MYH3: variants seen among roughly 807,000 people sequenced by gnomAD.
MYH3 encodes the protein myosin-3.
A neutral mutation model predicts 238.0 loss-of-function variants in MYH3; 130 were observed. That is an observed-to-expected ratio of 0.55 (90% CI 0.47 to 0.63). The LOEUF is 0.63. MYH3 is among the 30% of genes least tolerant of loss of function. The pLI is 0.00. For missense variants in MYH3, 1,853 were observed against 2,374.9 expected, an observed-to-expected ratio of 0.78 and a Z score of 4.57; for synonymous variants, 880 against 924.1, an observed-to-expected ratio of 0.95 and a Z score of 0.86.
chr17:10,645,316 C>T (rs2074309899), intron 12 of MYH3, among the ~76,000 whole-genome samples: 1 of 151,988 alleles, frequency 6.6e-6, no homozygotes, highest in Admixed American at 6.5e-5. Flanking sequence ...CCTGTAATCC[C>T]AGCTACTCGG....
chr17:10,633,166 T>C (rs1302512024), intron 33 of MYH3, among the ~76,000 whole-genome samples: 1 of 152,022 alleles, frequency 6.6e-6, no homozygotes, highest in Non-Finnish European at 1.5e-5. Context: ...GGGCCTAGAT[T>C]GCCAGCATGG....
At chr17:10,667,794 G>GAACATCT in the MYH3 span, among the ~76,000 whole-genome samples, 2 of 150,908 alleles carry the variant, frequency 1.3e-5, no homozygotes, top group African/African-American at 4.9e-5. Context: ...TTTGAGACAA[G>GAACATCT]AACATCTAAC....
At chr17:10,669,704 G>A in the MYH3 span, among the ~76,000 whole-genome samples, 4 of 152,038 alleles carry the variant, frequency 2.6e-5, no homozygotes, top group African/African-American at 9.7e-5. Context: ...AGGAATTTAA[G>A]ACCAGCCCTG....
rs1281019115 is a variant in MYH3 at position 10,648,620 on chromosome 17, G to A, written c.672C>T (p.Ala224=). 17 of 1,613,944 alleles carry A rather than the reference G, an allele frequency of 1.1e-5. No homozygotes were observed. In the East Asian group the frequency reaches 3.8e-4, roughly 36 times the overall value. The change falls in exon 8 of 41, where the codon GCC becomes GCT. Residue 224 remains alanine (A), a synonymous_variant. Transcript: ENST00000583535. ...KGTLEDQIIS[A]NPLLEAFGNA... The stretch of plus-strand genomic sequence containing the variant: ...TCCCAAAGGCCTCCAGCAGGGGATT[G>A]GCACTGATGATTTGATCTTCCAGAG...
chr17:10,632,792 A>T lies in MYH3; in HGVS notation c.4648-8T>A. Reference sequence around the variant, plus strand: ...TTCATGCTCAAGAGCAGCCTTTAAGAAACAAAAGCAAATCAAATAGTGTCT... The same window carrying T: ...TTCATGCTCAAGAGCAGCCTTTAAGTAACAAAAGCAAATCAAATAGTGTCT... On this transcript the variant is annotated splice_region_variant and splice_polypyrimidine_tract_variant and intron_variant, in intron 33 of 40. Transcript: ENST00000583535. 1.9e-6 allele frequency: 3 copies of T among 1,614,194 alleles called. No homozygotes were observed. The highest frequency in any genetic ancestry group is 2.5e-6 in the Non-Finnish European group (3 of 1,180,002).
At chr17:10,670,118 A>G in the MYH3 span, among the ~76,000 whole-genome samples, 2,124 of 152,252 alleles carry the variant, frequency 0.014, 48 homozygotes, top group African/African-American at 0.048. The surrounding 1 kb of genome is among the most constrained non-coding windows in gnomAD (Gnocchi z 7.0). Flanking sequence ...ATGACAGTAC[A>G]TTACCAACAA....
intron 19 of MYH3, 142 bp downstream of exon 19, chr17:10,640,943 C>A: frequency 1.1e-6 from 1 of 891,972 alleles, no homozygotes; most frequent in Non-Finnish European, 1.9e-6. Context: ...TATAACTTGG[C>A]CAAATGGTAG....
intron 8 of MYH3, among the ~76,000 whole-genome samples, 172 bp downstream of exon 8, chr17:10,648,385 A>G (rs1351756916): frequency 6.6e-6 from 1 of 152,166 alleles, no homozygotes; most frequent in East Asian, 1.9e-4. Context: ...CCTCTCTTAC[A>G]CACGCTGTTC....
intron 5 of MYH3, 37 bp downstream of exon 5, chr17:10,651,475 T>G: frequency 1.2e-6 from 2 of 1,612,242 alleles, no homozygotes; most frequent in East Asian, 4.5e-5. Context: ...ATGCAGTGCC[T>G]GCTCCAGCAT....
rs552249653 is a variant in MYH3, at chr17:10,652,645, G to A, written c.205-82C>T. 144 of 1,417,286 alleles carry A rather than the reference G, an allele frequency of 1.0e-4. 1 individual carries two copies. The highest frequency in any genetic ancestry group is 1.3e-4 in the Non-Finnish European group (139 of 1,051,930). 87.8% of individuals were successfully genotyped at this position (1,417,286 alleles called of 1,614,324 possible). A position where few individuals can be genotyped will look rare whatever the true frequency, so the allele number is the denominator to read the frequency against. ...TTTTTTTTTTTTTTTTTTTTGAGACGGAGTCTTGCTTTGTCGCCCAGGCTG... is the reference window on the plus strand; with the variant it reads ...TTTTTTTTTTTTTTTTTTTTGAGACAGAGTCTTGCTTTGTCGCCCAGGCTG... On this transcript the variant is annotated intron_variant, in intron 3 of 40. Transcript: ENST00000583535.
chr17:10,633,965 C>CG, intron 32 of MYH3, 52 bp downstream of exon 32: 1 of 1,591,474 alleles, frequency 6.3e-7, no homozygotes, highest in Non-Finnish European at 8.6e-7. Flanking sequence ...AGCATGCTCT[C>CG]GAGCAATAGA....
chr17:10,638,982 AATG>A lies in MYH3; in HGVS notation c.3249-22_3249-20del. ...ATCTTTCCTGTGAAGAGAAATGTAG[AATG>A]CATGAAGACAAAATACACAGTAACT... is the stretch of plus-strand genomic sequence containing the variant. On this transcript the variant is annotated intron_variant, in intron 25 of 40. Transcript: ENST00000583535. 2 of 1,614,152 alleles carry A rather than the reference AATG, an allele frequency of 1.2e-6. No homozygotes were observed. The highest frequency in any genetic ancestry group is 2.2e-5 in the South Asian group (2 of 91,088).
chr17:10,645,212 A>C (rs577269369), intron 12 of MYH3, among the ~76,000 whole-genome samples: 6 of 152,154 alleles, frequency 3.9e-5, no homozygotes, highest in African/African-American at 1.2e-4. Flanking sequence ...AGGCAGGCGA[A>C]TCATTTGAGG....
In MYH3 at chr17:10,650,399, G is replaced by A. The variant is rs1160002369; in HGVS notation, c.508C>T (p.Arg170Cys). ...DNAYQFMLTD[R>C]ENQSILITGE... is the part of the protein sequence containing the mutation. ...GTGATCAGAATGGACTGGTTTTCACGATCTGCCAGAGGAAAAAATAAAATA... is the reference window on the plus strand; with the variant it reads ...GTGATCAGAATGGACTGGTTTTCACAATCTGCCAGAGGAAAAAATAAAATA... The change falls in exon 6 of 41, where the codon CGT (arginine) becomes TGT (cysteine). Residue 170 changes from arginine to cysteine, a missense_variant and splice_region_variant. This residue lies in a region of MYH3 where 678 missense variants were observed against 1,058.9 expected (regional missense o/e 0.64). Transcript: ENST00000583535. 3 of 1,612,218 alleles carry A rather than the reference G, an allele frequency of 1.9e-6. No individual in the cohort carries two copies. Among genetic ancestry groups the A allele is most frequent in the South Asian group, 2.2e-5 (2 of 91,030 alleles).
chr17:10,664,493 A>T, the MYH3 span, among the ~76,000 whole-genome samples: 8 of 152,210 alleles, frequency 5.3e-5, no homozygotes, highest in Non-Finnish European at 1.0e-4. Flanking sequence ...GTTATGACAT[A>T]AGCTGGAAAG....
chr17:10,649,150 A>G (rs1169514220), intron 7 of MYH3, among the ~76,000 whole-genome samples: 1 of 152,216 alleles, frequency 6.6e-6, no homozygotes. Flanking sequence ...TTGGCACTAC[A>G]GTTGGGGATC....
intron 4 of MYH3, 47 bp from the exon 5 acceptor site, chr17:10,651,715 A>G (rs1417097989): frequency 6.3e-7 from 1 of 1,592,218 alleles, no homozygotes; most frequent in Admixed American, 1.7e-5. Flanking sequence ...GTATGTGCAT[A>G]TGGAAAACCC....
chr17:10,651,368 C>A, intron 5 of MYH3, 144 bp downstream of exon 5: 1 of 1,455,014 alleles, frequency 6.9e-7, no homozygotes, highest in Non-Finnish European at 9.6e-7. Context: ...ATGATGCAGC[C>A]CCTTTCTGCC....
Position 10,649,595 on chromosome 17 carries a change from C to T in MYH3, c.624G>A (p.Lys208=). The T allele has an allele frequency of 6.2e-7, 1 of 1,614,160 alleles. No homozygotes were observed. Among genetic ancestry groups the T allele is most frequent in the Non-Finnish European group, 8.5e-7 (1 of 1,179,956 alleles). ...TCTATACCTTCATTTTGGAGTCCTT[C>T]TTCTTGGCCAGGTCCCCAGTAGCTG... ...TIAATGDLAK[K]KDSKMKGTLE... is the part of the protein sequence containing the mutation. The change falls in exon 7 of 41, where the codon AAG becomes AAA. Residue 208 remains lysine, a synonymous_variant. Coordinates refer to ENST00000583535, the MANE Select transcript of MYH3 (RefSeq NM_002470.4).
Sources: gnomAD v4.1 joint callset for allele counts (sites outside exome capture counted in the v4.1 genomes callset) on GRCh38, gnomAD v4.1.1 for gene constraint, gnomAD v4.1.1 regional missense constraint, Gnocchi (gnomAD v3.1) non-coding constraint, MANE v1.5 for transcripts, NCBI Gene and HGNC (gene_info 2026-07-23, HGNC 2026-07-21) for gene names.